The following GYG1 variants were observed in gnomAD, a reference collection of about 807,000 sequenced individuals.
GYG1 encodes glycogenin 1.
Under a neutral mutation model 41.9 loss-of-function variants are expected in GYG1, and 44 were observed. The observed-to-expected ratio is 1.05, with a 90% confidence interval of 0.83 to 1.35. The LOEUF is 1.35. GYG1 is among the 40% of genes most tolerant of loss of function. The pLI, the probability that GYG1 is intolerant of heterozygous loss-of-function variation, is 0.00. For missense variants in GYG1, 429 were observed against 418.9 expected (o/e 1.02, Z -0.21); for synonymous variants, 141 against 158.1 (o/e 0.89, Z 0.81).
chr3:148,994,113 A>G (rs1712648220), intron 1 of GYG1, 29 bp from the exon 2 acceptor site: 1 of 1,604,408 alleles, frequency 6.2e-7, no homozygotes, highest in Non-Finnish European at 8.5e-7. Context: ...AGATACTGTA[A>G]TGAGTGTTTT....
At chr3:148,999,232 G>C (rs1712966267) in intron 4 of GYG1, among the ~76,000 whole-genome samples, 1 of 152,212 alleles carries the variant, frequency 6.6e-6, no homozygotes, top group East Asian at 1.9e-4. Context: ...GTGAGATTCT[G>C]TCTGTGCCTC....
chr3:148,999,985 G>A (rs1713004325), intron 4 of GYG1, among the ~76,000 whole-genome samples: 1 of 152,184 alleles, frequency 6.6e-6, no homozygotes, highest in South Asian at 2.1e-4. Flanking sequence ...AACTGGTGGG[G>A]CCTGATGTCC....
At chr3:149,015,446 T>C (rs1713966337) in intron 5 of GYG1, among the ~76,000 whole-genome samples, 2 of 151,904 alleles carry the variant, frequency 1.3e-5, no homozygotes, top group Admixed American at 1.3e-4. Flanking sequence ...AATAGAAGAA[T>C]AGGAACAAGA....
rs565341467 is a variant in GYG1 at position 149,030,550 on chromosome 3, T to C, written c.*3617T>C. The C allele has an allele frequency of 6.6e-6, 1 of 152,200 alleles. No individual in the cohort carries two copies. Among genetic ancestry groups the C allele is most frequent in the African/African-American group, 2.4e-5 (1 of 41,454 alleles). The allele number at this position is 152,200 out of a possible 1,614,324, so 9.4% of individuals were successfully genotyped here. A position where few individuals can be genotyped will look rare whatever the true frequency, so the allele number is the denominator to read the frequency against. On this transcript the variant is annotated 3_prime_UTR_variant, in exon 8 of 8. Coordinates refer to ENST00000345003, the MANE Select transcript of GYG1 (RefSeq NM_004130.4). ...CAGAAAGAGTAGACTGTGTTGTTTT[T>C]TGCCAAAAACTGTTTATACTTAATC...
intron 7 of GYG1, 24 bp downstream of exon 7, chr3:149,026,526 C>A: frequency 6.7e-7 from 1 of 1,492,452 alleles, no homozygotes; most frequent in Non-Finnish European, 9.4e-7. Context: ...AAAGATTAAC[C>A]CTAATTACTT....
chr3:148,994,016 A>C, intron 1 of GYG1, 126 bp from the exon 2 acceptor site: 1 of 835,584 alleles, frequency 1.2e-6, no homozygotes, highest in Admixed American at 2.0e-5. Context: ...CTACAGCTTG[A>C]TTCATAGAGA....
intron 3 of GYG1, 87 bp downstream of exon 3, chr3:148,996,563 C>A: frequency 7.6e-7 from 1 of 1,312,036 alleles, no homozygotes; most frequent in Non-Finnish European, 1.1e-6. Context: ...GCTGTCAAGA[C>A]TTGACGGTAA....
At chr3:149,022,255 C>T (rs1288524357) in intron 5 of GYG1, among the ~76,000 whole-genome samples, 4 of 152,066 alleles carry the variant, frequency 2.6e-5, no homozygotes, top group East Asian at 1.9e-4. Flanking sequence ...TTTACTCCTA[C>T]TTTTTTAAAG....
chr3:148,995,991 C>T (rs899794758), intron 2 of GYG1, among the ~76,000 whole-genome samples: 1 of 152,200 alleles, frequency 6.6e-6, no homozygotes, highest in African/African-American at 2.4e-5. Context: ...ATTTCCACAA[C>T]CTGCCTGCTA....
chr3:149,025,715 G>A (rs1346365288), intron 6 of GYG1, among the ~76,000 whole-genome samples: 2 of 152,096 alleles, frequency 1.3e-5, no homozygotes, highest in African/African-American at 4.8e-5. Context: ...GGCCTCAAAC[G>A]CAGGTCTGAA....
rs543276687 is a variant in GYG1 at position 149,029,485 on chromosome 3, T to C, written c.*2552T>C. On this transcript the variant is annotated 3_prime_UTR_variant, in exon 8 of 8. Transcript: ENST00000345003. ...AAATGTTTGTTTACCTTAATTCTCC[T>C]TATACCCATATTGTCCTGCTGTATA... 8.6e-5 allele frequency among the ~76,000 whole-genome samples: 13 copies of C among 151,872 alleles called. No homozygotes were observed. Among genetic ancestry groups the C allele is most frequent in the African/African-American group, 3.2e-4 (13 of 41,152 alleles).
chr3:149,003,587 C>T (rs1476498533), intron 4 of GYG1, among the ~76,000 whole-genome samples: 4 of 152,058 alleles, frequency 2.6e-5, no homozygotes, highest in South Asian at 4.2e-4. Flanking sequence ...ATAAAGAAGT[C>T]GTTCTTCAAA....
At chr3:149,008,737 T>C (rs1266766976) in intron 4 of GYG1, 1 of 157,974 alleles carries the variant, frequency 6.3e-6, no homozygotes, top group African/African-American at 2.4e-5. Context: ...CACTGTTGAC[T>C]CTGCAATGCC....
intron 4 of GYG1, chr3:149,001,696 G>C (rs6806725): frequency 0.3 from 45,440 of 152,174 alleles, 6,754 homozygotes; most frequent in Admixed American, 0.32. Context: ...GCAGCAGCTT[G>C]CCTGATGTCT....
chr3:149,005,654 T>G (rs961125390), intron 4 of GYG1, among the ~76,000 whole-genome samples: 1 of 152,226 alleles, frequency 6.6e-6, no homozygotes, highest in African/African-American at 2.4e-5. Flanking sequence ...CTGCTACATG[T>G]TAGCATCATA....
chr3:149,024,649 A>G (rs538897776), intron 6 of GYG1, among the ~76,000 whole-genome samples: 2 of 152,342 alleles, frequency 1.3e-5, no homozygotes, highest in South Asian at 2.1e-4. Flanking sequence ...TCTACTTTAT[A>G]TTTGCCATCT....
At chr3:148,994,022 A>C in intron 1 of GYG1, 120 bp from the exon 2 acceptor site, 5 of 862,388 alleles carry the variant, frequency 5.8e-6, no homozygotes, top group Non-Finnish European at 7.7e-6. Flanking sequence ...CTTGATTCAT[A>C]GAGAAAGTTG....
chr3:148,996,511 T>G (rs1394148213), intron 3 of GYG1, 35 bp downstream of exon 3: 1 of 1,459,862 alleles, frequency 6.8e-7, no homozygotes, highest in Admixed American at 1.7e-5. Flanking sequence ...AAGAAAGACA[T>G]ATATATATAT....
intron 5 of GYG1, among the ~76,000 whole-genome samples, chr3:149,010,721 C>T (rs1163573610): frequency 6.6e-6 from 1 of 152,158 alleles, no homozygotes. Context: ...TAGCCTCTGA[C>T]TCATTTGTGT....
Sources: gnomAD v4.1 joint callset for allele counts (sites outside exome capture counted in the v4.1 genomes callset) on GRCh38, gnomAD v4.1.1 for gene constraint, MANE v1.5 for transcripts, NCBI Gene and HGNC (gene_info 2026-07-23, HGNC 2026-07-21) for gene names.